TENT5A: variants seen among roughly 807,000 people sequenced by gnomAD.
The protein encoded by TENT5A is terminal nucleotidyltransferase 5A.
Under a neutral mutation model 30.2 loss-of-function variants are expected in TENT5A, and 9 were observed. That is an observed-to-expected ratio of 0.30 (90% CI 0.18 to 0.52). The LOEUF (loss-of-function observed/expected upper bound fraction) is 0.52, where lower values mean the gene tolerates loss of function less well. Ranked by LOEUF, TENT5A falls within the 20% of genes least tolerant of loss-of-function variation. The pLI is 0.97. For missense variants in TENT5A, 411 were observed against 566.1 expected (o/e 0.73, Z 2.78); for synonymous variants, 264 against 234.2 (o/e 1.13, Z -1.16).
intron 1 of TENT5A, 121 bp from the exon 2 acceptor site, chr6:81,752,299 G>T: frequency 1.3e-6 from 2 of 1,528,492 alleles, no homozygotes; most frequent in Admixed American, 4.3e-5. Flanking sequence ...CCCTGACCCC[G>T]GGCCTCCTCG....
At chr6:81,752,366 A>G in intron 1 of TENT5A, 65 bp downstream of exon 1, 1 of 1,539,606 alleles carries the variant, frequency 6.5e-7, no homozygotes, top group Non-Finnish European at 8.7e-7. Flanking sequence ...CCCGCAGAGC[A>G]GCCCCGCACC....
In TENT5A at chr6:81,749,463, G is replaced by A. The variant is rs1768980961; in HGVS notation, c.*232C>T. On this transcript the variant is annotated 3_prime_UTR_variant, in exon 3 of 3. Coordinates refer to ENST00000320172, the MANE Select transcript of TENT5A (RefSeq NM_017633.3). ...CAGGTCTCTCTTTTTTTGCAGGATA[G>A]AATCCAATTGGGTAGGAGAATAAGA... 7.9e-7 allele frequency: 1 copy of A among 1,269,220 alleles called. No individual in the cohort carries two copies. Among genetic ancestry groups the A allele is most frequent in the African/African-American group, 1.5e-5 (1 of 65,070 alleles). The allele number at this position is 1,269,220 out of a possible 1,614,324, so 78.6% of individuals were successfully genotyped here. A position where few individuals can be genotyped will look rare whatever the true frequency, so the allele number is the denominator to read the frequency against.
chr6:81,752,342 G>A (rs2127727117), intron 1 of TENT5A, 89 bp downstream of exon 1: 1 of 1,529,348 alleles, frequency 6.5e-7, no homozygotes, highest in East Asian at 2.5e-5. Context: ...ACAGTCCCCA[G>A]CCGCGCACCG....
chr6:81,747,517 A>G lies in TENT5A; in HGVS notation c.*2178T>C, dbSNP rs977417626. 6 of 985,706 alleles carry G rather than the reference A, an allele frequency of 6.1e-6. No homozygotes were observed. In the African/African-American group the frequency reaches 1.0e-4, roughly 17 times the overall value. The allele number at this position is 985,706 out of a possible 1,614,324, so 61.1% of individuals were successfully genotyped here. The stretch of plus-strand genomic sequence containing the variant: ...ATTAAGGCTTCAAAGAAAGATGCAC[A>G]AAAGGTAGTCCAGACGGATTAACCT... On this transcript the variant is annotated 3_prime_UTR_variant, in exon 3 of 3. Coordinates refer to ENST00000320172, the MANE Select transcript of TENT5A (RefSeq NM_017633.3).
chr6:81,746,472 CATT>C lies in TENT5A; in HGVS notation c.*3220_*3222del. On this transcript the variant is annotated 3_prime_UTR_variant, in exon 3 of 3. Coordinates refer to ENST00000320172, the MANE Select transcript of TENT5A (RefSeq NM_017633.3). ...TTCCATCCTTGCATTTTTGGAGCTA[CATT>C]ATTAGTCCATCCAATACCAAAGTGA... 1 of 1,231,994 alleles carries C rather than the reference CATT, an allele frequency of 8.1e-7. No individual in the cohort carries two copies. The highest frequency in any genetic ancestry group is 1.0e-6 in the Non-Finnish European group (1 of 987,824). The allele number at this position is 1,231,994 out of a possible 1,614,324, so 76.3% of individuals were successfully genotyped here. A position where few individuals can be genotyped will look rare whatever the true frequency, so the allele number is the denominator to read the frequency against.
At chr6:81,752,269 C>T in intron 1 of TENT5A, 91 bp from the exon 2 acceptor site, 11 of 1,482,388 alleles carry the variant, frequency 7.4e-6, no homozygotes, top group African/African-American at 1.4e-5. Context: ...AGGAAAAGAG[C>T]GCCCCCTCCC....
rs191782608 is a variant in TENT5A at position 81,746,027 on chromosome 6, T to A, written c.*3668A>T. The A allele has an allele frequency of 2.1e-3, 2,084 of 985,660 alleles. 37 individuals are homozygous for A. The African/African-American group carries it at 0.03, about 14-fold the overall frequency. The allele number at this position is 985,660 out of a possible 1,614,324, so 61.1% of individuals were successfully genotyped here. A position where few individuals can be genotyped will look rare whatever the true frequency, so the allele number is the denominator to read the frequency against. ...CCGTTCTGCAAGGCTTTGCAGCAAG[T>A]CTCGTTAACTTGACATCTTCCAACT... On this transcript the variant is annotated 3_prime_UTR_variant, in exon 3 of 3. Coordinates refer to ENST00000320172, the MANE Select transcript of TENT5A (RefSeq NM_017633.3).
At position 81,749,985 on chromosome 6, in the gene TENT5A, A is replaced by T; in HGVS notation, c.1039T>A (p.Leu347Met). The T allele has an allele frequency of 6.2e-7, 1 of 1,614,180 alleles. No individual in the cohort carries two copies. The highest frequency in any genetic ancestry group is 8.5e-7 in the Non-Finnish European group (1 of 1,180,032). ...ESYLQNHFVG[L>M]EDRKYEYLMT... The stretch of plus-strand genomic sequence containing the variant: ...AGATACTCATACTTGCGGTCTTCCA[A>T]TCCCACAAAGTGGTTCTGCAAATAG... The change falls in exon 3 of 3, where the codon TTG (leucine) becomes ATG (methionine). Residue 347 changes from leucine to methionine, a missense_variant. By Grantham distance (15) the Leu-to-Met change is conservative. Around this residue, in one of 5 missense-constraint regions of TENT5A, gnomAD observed 135 missense variants for 240.0 expected, o/e 0.56. Transcript: ENST00000320172.
At position 81,745,760 on chromosome 6, in the gene TENT5A, A is replaced by C; in HGVS notation, c.*3935T>G. The C allele has an allele frequency of 1.0e-6, 1 of 984,890 alleles. No homozygotes were observed. The highest frequency in any genetic ancestry group is 1.2e-6 in the Non-Finnish European group (1 of 829,022). The allele number at this position is 984,890 out of a possible 1,614,324, so 61.0% of individuals were successfully genotyped here. On this transcript the variant is annotated 3_prime_UTR_variant, in exon 3 of 3. Transcript: ENST00000320172. ...AGAAAAAAATAACTTTTTTATTTAC[A>C]AAAAAATCCAAATATTGGATGCTGT... is the stretch of plus-strand genomic sequence containing the variant.
rs1486127332 is a variant in TENT5A at position 81,746,601 on chromosome 6, G to A, written c.*3094C>T. On this transcript the variant is annotated 3_prime_UTR_variant, in exon 3 of 3. Transcript: ENST00000320172. The stretch of plus-strand genomic sequence containing the variant: ...GCAAATTAAGTAAACCTTTAAAAAC[G>A]GCATTGTCACAGGCTATGTGTTCTC... 6 of 1,231,810 alleles carry A rather than the reference G, an allele frequency of 4.9e-6. No homozygotes were observed. Among genetic ancestry groups the A allele is most frequent in the South Asian group, 4.1e-5 (1 of 24,302 alleles). The allele number at this position is 1,231,810 out of a possible 1,614,324, so 76.3% of individuals were successfully genotyped here.
chr6:81,749,438 C>T lies in TENT5A; in HGVS notation c.*257G>A. 1.2e-5 allele frequency: 15 copies of T among 1,220,768 alleles called. No homozygotes were observed. The highest frequency in any genetic ancestry group is 1.5e-5 in the Non-Finnish European group (15 of 979,644). 75.6% of individuals were successfully genotyped at this position (1,220,768 alleles called of 1,614,324 possible). On this transcript the variant is annotated 3_prime_UTR_variant, in exon 3 of 3. Transcript: ENST00000320172. ...AGGAGAACCTGGTTGCTTCTAATGA[C>T]AGGTCTCTCTTTTTTTGCAGGATAG...
Position 81,752,670 on chromosome 6 carries a change from T to C in TENT5A, c.-277A>G, listed in dbSNP as rs1434031963. The C allele has an allele frequency of 2.8e-6, 2 of 717,814 alleles. No individual in the cohort carries two copies. Among genetic ancestry groups the C allele is most frequent in the Admixed American group, 4.0e-5 (2 of 50,010 alleles). The allele number at this position is 717,814 out of a possible 1,614,324, so 44.5% of individuals were successfully genotyped here. A position where few individuals can be genotyped will look rare whatever the true frequency, so the allele number is the denominator to read the frequency against. On this transcript the variant is annotated 5_prime_UTR_variant, in exon 1 of 3. Coordinates refer to ENST00000320172, the MANE Select transcript of TENT5A (RefSeq NM_017633.3). Reference sequence around the variant, plus strand: ...ACACACGCTCGTGTCTCTGGAGCTTTAGCAGTTGTGCGGGGAAAATGTCTT... The same window carrying C: ...ACACACGCTCGTGTCTCTGGAGCTTCAGCAGTTGTGCGGGGAAAATGTCTT...
In TENT5A at chr6:81,748,044, A is replaced by G; in HGVS notation, c.*1651T>C. The G allele has an allele frequency of 1.1e-6, 1 of 939,882 alleles. No individual in the cohort carries two copies. Among genetic ancestry groups the G allele is most frequent in the African/African-American group, 1.8e-5 (1 of 56,370 alleles). 58.2% of individuals were successfully genotyped at this position (939,882 alleles called of 1,614,324 possible). ...ACATGATTTATAAAATGTTATATAT[A>G]ATATATATCTCATATATAAATTTTA... On this transcript the variant is annotated 3_prime_UTR_variant, in exon 3 of 3. Coordinates refer to ENST00000320172, the MANE Select transcript of TENT5A (RefSeq NM_017633.3).
chr6:81,751,513 C>G, intron 2 of TENT5A, 77 bp downstream of exon 2: 1 of 1,311,888 alleles, frequency 7.6e-7, no homozygotes, highest in Non-Finnish European at 1.1e-6. Context: ...GGCATTTAAC[C>G]GATGCCCCTC....
rs950728008 is a variant in TENT5A at position 81,746,289 on chromosome 6, T to C, written c.*3406A>G. 16 of 1,204,546 alleles carry C rather than the reference T, an allele frequency of 1.3e-5. No homozygotes were observed. The African/African-American group carries it at 2.5e-4, about 19-fold the overall frequency. 74.6% of individuals were successfully genotyped at this position (1,204,546 alleles called of 1,614,324 possible). On this transcript the variant is annotated 3_prime_UTR_variant, in exon 3 of 3. Transcript: ENST00000320172. ...ACTGACAGCTTTCAACATAATACAT[T>C]TCATTTACAAAATAGTTCACAATAT...
rs775747943 is a variant in TENT5A at position 81,752,094 on chromosome 6, G to A, written c.48C>T (p.Ala16=). 204 of 1,580,882 alleles carry A rather than the reference G, an allele frequency of 1.3e-4. 1 individual carries two copies. Among genetic ancestry groups the A allele is most frequent in the Non-Finnish European group, 1.6e-4 (182 of 1,164,168 alleles). Residue 16 remains alanine (A), a synonymous_variant, in exon 2 of 3, where the codon GCC becomes GCT. Transcript: ENST00000320172. ...CGCCTAGGGGGATGTAGGGGCTGCA[G>A]GCCAGCTCGTCCTCAGACATGGCGA... ...GYFAMSEDEL[A]CSPYIPLGGD...
intron 2 of TENT5A, among the ~76,000 whole-genome samples, 199 bp downstream of exon 2, chr6:81,751,391 A>G (rs1341444999): frequency 2.0e-5 from 3 of 152,214 alleles, no homozygotes; most frequent in African/African-American, 7.2e-5. Context: ...GCGCCAAAGC[A>G]TCAAGTAAAC....
In TENT5A at chr6:81,746,363, A is replaced by C; in HGVS notation, c.*3332T>G. On this transcript the variant is annotated 3_prime_UTR_variant, in exon 3 of 3. Transcript: ENST00000320172. Reference sequence around the variant, plus strand: ...AAACAACTTTATGCACAGTGAAGCAACCAACAATAAGCAAACAGAAAGGGG... The same window carrying C: ...AAACAACTTTATGCACAGTGAAGCACCCAACAATAAGCAAACAGAAAGGGG... 8.1e-7 allele frequency: 1 copy of C among 1,227,470 alleles called. No homozygotes were observed. The highest frequency in any genetic ancestry group is 1.0e-6 in the Non-Finnish European group (1 of 985,466). The allele number at this position is 1,227,470 out of a possible 1,614,324, so 76.0% of individuals were successfully genotyped here. A position where few individuals can be genotyped will look rare whatever the true frequency, so the allele number is the denominator to read the frequency against.
At position 81,748,142 on chromosome 6, in the gene TENT5A, T is replaced by C. The variant is rs1241120898; in HGVS notation, c.*1553A>G. 2.0e-6 allele frequency: 2 copies of C among 985,284 alleles called. No homozygotes were observed. Among genetic ancestry groups the C allele is most frequent in the African/African-American group, 3.5e-5 (2 of 57,202 alleles). 61.0% of individuals were successfully genotyped at this position (985,284 alleles called of 1,614,324 possible). On this transcript the variant is annotated 3_prime_UTR_variant, in exon 3 of 3. Transcript: ENST00000320172. ...ATTCTAGTGGTCCAGAAATGCAGAA[T>C]GCATTCATTAAAATTCATTTAAACA...
Sources: allele counts gnomAD v4.1 joint callset (sites outside exome capture counted in the v4.1 genomes callset), GRCh38; gene constraint gnomAD v4.1.1; regional missense constraint gnomAD v4.1.1; transcripts MANE v1.5; gene names NCBI Gene and HGNC (gene_info 2026-07-23, HGNC 2026-07-21).